The following PPP4R3B variants were observed in gnomAD, a reference collection of about 807,000 sequenced individuals.
PPP4R3B encodes the protein serine/threonine-protein phosphatase 4 regulatory subunit 3B.
A neutral mutation model predicts 95.4 loss-of-function variants in PPP4R3B; 52 were observed. The observed-to-expected ratio is 0.54, with a 90% CI of 0.44 to 0.69. The LOEUF (loss-of-function observed/expected upper bound fraction) is 0.69. Among genes scored for constraint, PPP4R3B ranks in the 30% least tolerant of loss-of-function variants. PPP4R3B has a pLI of 0.00. For missense variants in PPP4R3B, 1,003 were observed against 1,005.9 expected (o/e 1.00, Z 0.04); for synonymous variants, 407 against 343.9 (o/e 1.18, Z -2.03).
rs757063474 is a variant in PPP4R3B, at chr2:55,615,480, T to G, written c.169A>C (p.Asn57His). The G allele has an allele frequency of 6.3e-7, 1 of 1,593,978 alleles. No individual in the cohort carries two copies. Among genetic ancestry groups the G allele is most frequent in the East Asian group, 2.2e-5 (1 of 44,484 alleles). The part of the protein sequence containing the change: ...DGSLLLESKI[N>H]PNTAYQKQQD... ...TGTTTCTGATATGCAGTATTTGGAT[T>G]TATCTTTGATTCCAAGAGTAGTGAT... The change falls in exon 2 of 17, where the codon AAT (asparagine) becomes CAT (histidine). Residue 57 changes from asparagine to histidine, a missense_variant. This residue lies in a region of PPP4R3B where 695 missense variants were observed against 686.2 expected (regional missense o/e 1.01). Transcript: ENST00000616407.
At chr2:55,573,260 A>G (rs1688236857) in intron 12 of PPP4R3B, among the ~76,000 whole-genome samples, 1 of 152,208 alleles carries the variant, frequency 6.6e-6, no homozygotes, top group Admixed American at 6.5e-5. Context: ...ATAGTCTGCT[A>G]AAAATCAACA....
chr2:55,567,820 T>G (rs1687505186), intron 13 of PPP4R3B, among the ~76,000 whole-genome samples: 2 of 152,182 alleles, frequency 1.3e-5, no homozygotes, highest in African/African-American at 2.4e-5. Flanking sequence ...CATGATTGAC[T>G]GAAATGTCCA....
At chr2:55,573,851 T>G in intron 11 of PPP4R3B, 74 bp from the exon 12 acceptor site, 1 of 804,050 alleles carries the variant, frequency 1.2e-6, no homozygotes, top group Non-Finnish European at 1.8e-6. Context: ...GCTTACATCC[T>G]ATATGTTATA....
chr2:55,581,741 C>A (rs968192394), intron 7 of PPP4R3B, 43 bp from the exon 8 acceptor site: 2 of 1,592,556 alleles, frequency 1.3e-6, no homozygotes, highest in Non-Finnish European at 8.5e-7. Flanking sequence ...TTCCATTAGA[C>A]CTGGTTTAGA....
At chr2:55,596,479 T>C (rs1010413611) in intron 4 of PPP4R3B, among the ~76,000 whole-genome samples, 3 of 152,222 alleles carry the variant, frequency 2.0e-5, no homozygotes, top group African/African-American at 7.2e-5. Flanking sequence ...AGTTTGTAAA[T>C]GAAAATATCA....
intron 2 of PPP4R3B, among the ~76,000 whole-genome samples, chr2:55,605,680 G>C (rs548899624): frequency 6.6e-6 from 1 of 152,206 alleles, no homozygotes; most frequent in East Asian, 1.9e-4. Flanking sequence ...GGCCAAGGTA[G>C]GCAGATCACA....
At chr2:55,609,387 A>T (rs922527200) in intron 2 of PPP4R3B, among the ~76,000 whole-genome samples, 1 of 152,188 alleles carries the variant, frequency 6.6e-6, no homozygotes, top group Non-Finnish European at 1.5e-5. Flanking sequence ...GTTCATTTTA[A>T]GACCTTTTCA....
At chr2:55,570,926 C>T (rs1376362175) in intron 12 of PPP4R3B, among the ~76,000 whole-genome samples, 5 of 152,198 alleles carry the variant, frequency 3.3e-5, no homozygotes, top group Non-Finnish European at 7.3e-5. Context: ...TTCTACACTG[C>T]TGGTAAATGA....
intron 12 of PPP4R3B, 84 bp from the exon 13 acceptor site, chr2:55,568,447 G>A (rs1687577955): frequency 7.6e-6 from 8 of 1,059,298 alleles, no homozygotes; most frequent in Middle Eastern, 3.3e-4. Flanking sequence ...ATAAAGCAAT[G>A]TATATGCTCT....
chr2:55,605,758 T>C (rs1055741896), intron 2 of PPP4R3B, among the ~76,000 whole-genome samples: 1 of 151,896 alleles, frequency 6.6e-6, no homozygotes, highest in Non-Finnish European at 1.5e-5. Context: ...ATACAAAAAT[T>C]AGCTGGGCGT....
chr2:55,615,766 C>A (rs994121514), intron 1 of PPP4R3B, among the ~76,000 whole-genome samples: 1 of 144,890 alleles, frequency 6.9e-6, no homozygotes, highest in Non-Finnish European at 1.5e-5. Flanking sequence ...GCAGGAGAAT[C>A]GCTTGAGAGA....
At chr2:55,592,753 A>C (rs1241857416) in intron 4 of PPP4R3B, among the ~76,000 whole-genome samples, 1 of 152,232 alleles carries the variant, frequency 6.6e-6, no homozygotes, top group Admixed American at 6.5e-5. Flanking sequence ...TCAACATTTG[A>C]GATTCCTATC....
chr2:55,609,422 C>T (rs1693859917), intron 2 of PPP4R3B, among the ~76,000 whole-genome samples: 2 of 152,132 alleles, frequency 1.3e-5, no homozygotes, highest in Non-Finnish European at 2.9e-5. Flanking sequence ...CGACTCATGT[C>T]TGTATTCCCA....
chr2:55,568,164 T>C lies in PPP4R3B; in HGVS notation c.1935+30A>G, dbSNP rs56088561. On this transcript the variant is annotated intron_variant, in intron 13 of 16. Transcript: ENST00000616407. The stretch of plus-strand genomic sequence containing the variant: ...AAAAAATTATTTACATATAATTACA[T>C]ATAATAACAGCTGTTTTATATAAAC... 1,944 of 1,381,342 alleles carry C rather than the reference T, an allele frequency of 1.4e-3. 6 individuals are homozygous for C. In the Middle Eastern group the frequency reaches 0.015, roughly 11 times the overall value. The allele number at this position is 1,381,342 out of a possible 1,614,324, so 85.6% of individuals were successfully genotyped here.
At position 55,549,850 on chromosome 2, in the gene PPP4R3B, C is replaced by T; in HGVS notation, c.*61G>A. ...GAGAAAGCTTTCTGATTCAGATTTT[C>T]AGCTCACTGAACAGTTGCAGCATTG... On this transcript the variant is annotated 3_prime_UTR_variant, in exon 17 of 17. Transcript: ENST00000616407. The T allele has an allele frequency of 8.0e-7, 1 of 1,242,968 alleles. No individual in the cohort carries two copies. The highest frequency in any genetic ancestry group is 1.2e-5 in the South Asian group (1 of 82,488). The allele number at this position is 1,242,968 out of a possible 1,614,324, so 77.0% of individuals were successfully genotyped here.
chr2:55,583,218 G>C (rs1689659538), intron 7 of PPP4R3B, among the ~76,000 whole-genome samples: 1 of 152,070 alleles, frequency 6.6e-6, no homozygotes, highest in Non-Finnish European at 1.5e-5. Context: ...ATGGAATTCA[G>C]CATGTAGAAG....
chr2:55,562,434 A>G (rs994122188), intron 15 of PPP4R3B, among the ~76,000 whole-genome samples: 3 of 152,084 alleles, frequency 2.0e-5, no homozygotes, highest in African/African-American at 7.2e-5. Flanking sequence ...AAAAGCAAAC[A>G]AACAAACAAA....
intron 16 of PPP4R3B, among the ~76,000 whole-genome samples, chr2:55,555,009 G>A (rs928894874): frequency 2.6e-5 from 4 of 152,182 alleles, no homozygotes; most frequent in Admixed American, 6.5e-5. Context: ...GGCCGGGCGC[G>A]GTGGCTCACG....
At chr2:55,553,738 A>G (rs971404527) in intron 16 of PPP4R3B, among the ~76,000 whole-genome samples, 5 of 152,162 alleles carry the variant, frequency 3.3e-5, no homozygotes, top group Non-Finnish European at 7.3e-5. Context: ...TACTTCAATT[A>G]CCACAATGTT....
Sources: gnomAD v4.1 joint callset for allele counts (sites outside exome capture counted in the v4.1 genomes callset) on GRCh38, gnomAD v4.1.1 for gene constraint, gnomAD v4.1.1 regional missense constraint, MANE v1.5 for transcripts, NCBI Gene and HGNC (gene_info 2026-07-23, HGNC 2026-07-21) for gene names.